Variants in DYNC1H1 observed in about 807,000 individuals in gnomAD.
DYNC1H1 encodes the protein cytoplasmic dynein 1 heavy chain 1.
In DYNC1H1, 51 loss-of-function variants were observed where a neutral mutation model predicts 527.1. The observed-to-expected ratio is 0.10, with a 90% CI of 0.08 to 0.12. The LOEUF is 0.12. Among genes scored for constraint, DYNC1H1 ranks in the 10% least tolerant of loss-of-function variants. DYNC1H1 has a pLI of 1.00. For synonymous variants in DYNC1H1, 2,189 were observed against 2,278.8 expected (o/e 0.96, Z 1.12); for missense variants, 2,771 against 5,971.8 (o/e 0.46, Z 17.66).
chr14:101,975,565 G>A (rs17540617), intron 1 of DYNC1H1, 147 bp from the exon 2 acceptor site: 33 of 726,752 alleles, frequency 4.5e-5, no homozygotes, highest in African/African-American at 1.6e-4. Flanking sequence ...GGAAAAAAAC[G>A]GATAGGAAGG....
intron 7 of DYNC1H1, among the ~76,000 whole-genome samples, chr14:101,984,017 G>A (rs747334165): frequency 3.3e-5 from 5 of 151,970 alleles, no homozygotes; most frequent in Non-Finnish European, 7.4e-5. Flanking sequence ...ACCTAGGCTG[G>A]AGTACAGTGA....
chr14:102,043,616 G>A (rs1190605), intron 69 of DYNC1H1: 29 of 531,106 alleles, frequency 5.5e-5, no homozygotes, highest in South Asian at 3.1e-4. Flanking sequence ...CCACATTCAC[G>A]TTTTCTGACA....
Position 102,049,425 on chromosome 14 carries a change from G to C in DYNC1H1, c.13373-15G>C. The stretch of plus-strand genomic sequence containing the variant: ...TGAGAGCTGACACCCTGGGCTCTGT[G>C]TGCCTTGGCTGCAGGGATCTTGCCT... On this transcript the variant is annotated splice_polypyrimidine_tract_variant and intron_variant, in intron 74 of 77. Coordinates refer to ENST00000360184, the MANE Select transcript of DYNC1H1 (RefSeq NM_001376.5). This position sits in a 1 kb window ranked among gnomAD's most constrained non-coding sequence, Gnocchi z 5.5. 1 of 1,613,872 alleles carries C rather than the reference G, an allele frequency of 6.2e-7. No homozygotes were observed. The highest frequency in any genetic ancestry group is 8.5e-7 in the Non-Finnish European group (1 of 1,180,040).
chr14:102,034,018 C>A lies in DYNC1H1; in HGVS notation c.10456C>A (p.Arg3486Ser). 1.2e-6 allele frequency: 2 copies of A among 1,614,022 alleles called. No individual in the cohort carries two copies. Among genetic ancestry groups the A allele is most frequent in the Middle Eastern group, 1.6e-4 (1 of 6,062 alleles). Residue 3486 changes from arginine to serine, a missense_variant, in exon 55 of 78, where the codon CGT becomes AGT. This residue lies in a region of DYNC1H1 where 283 missense variants were observed against 737.6 expected (regional missense o/e 0.38). Coordinates refer to ENST00000360184, the MANE Select transcript of DYNC1H1 (RefSeq NM_001376.5). ...TALLKSLSAE[R>S]ERWEKTSETF... Reference sequence around the variant, plus strand: ...TCTTCTGAAGAGCTTGTCTGCTGAACGTGAACGATGGGAAAAAACAAGTGA... The same window carrying A: ...TCTTCTGAAGAGCTTGTCTGCTGAAAGTGAACGATGGGAAAAAACAAGTGA...
chr14:101,984,145 T>C (rs2047900273), intron 7 of DYNC1H1, among the ~76,000 whole-genome samples: 1 of 151,816 alleles, frequency 6.6e-6, no homozygotes, highest in Non-Finnish European at 1.5e-5. Context: ...TTTATTTGTG[T>C]GTGTGTGTGT....
rs2048550805 is a variant in DYNC1H1, at chr14:102,034,651, A to G, written c.10754+199A>G. 3 of 896,916 alleles carry G rather than the reference A, an allele frequency of 3.3e-6. No homozygotes were observed. The African/African-American group carries it at 5.0e-5, about 15-fold the overall frequency. The allele number at this position is 896,916 out of a possible 1,614,324, so 55.6% of individuals were successfully genotyped here. ...AAGTGTCTGAGTTATTCTGCAGTGA[A>G]TGCTTCTTGTAACCTTCTAAAATCG... On this transcript the variant is annotated intron_variant, in intron 56 of 77. Transcript: ENST00000360184.
chr14:102,014,061 C>A (rs2048291659), intron 34 of DYNC1H1, among the ~76,000 whole-genome samples: 1 of 152,186 alleles, frequency 6.6e-6, no homozygotes, highest in Non-Finnish European at 1.5e-5. Flanking sequence ...GCACTTACTC[C>A]AACAACTCAA....
intron 72 of DYNC1H1, 176 bp from the exon 73 acceptor site, chr14:102,047,641 G>GTGTGTATGTATATATATA: frequency 4.4e-6 from 1 of 228,540 alleles, no homozygotes; most frequent in Non-Finnish European, 7.7e-6. Context: ...GTGTGTGTGT[G>GTGTGTATGTATATATATA]TATATATATA....
chr14:102,008,026 C>T, intron 28 of DYNC1H1, 152 bp from the exon 29 acceptor site: 3 of 1,089,056 alleles, frequency 2.8e-6, no homozygotes, highest in Non-Finnish European at 4.0e-6. Flanking sequence ...CTTATGGCCT[C>T]ATTTAACCTT....
At chr14:102,046,123 G>A (rs1030346535) in intron 72 of DYNC1H1, among the ~76,000 whole-genome samples, 2 of 151,370 alleles carry the variant, frequency 1.3e-5, no homozygotes, top group South Asian at 4.2e-4. Context: ...AGCCGAGATG[G>A]CACCACTGCA....
intron 16 of DYNC1H1, among the ~76,000 whole-genome samples, chr14:101,998,667 G>C (rs2720213): frequency 0.18 from 27,620 of 151,882 alleles, 3,189 homozygotes; most frequent in African/African-American, 0.32. Context: ...AACCGTTTCC[G>C]TGCTGCTGGG....
Position 101,988,687 on chromosome 14 carries a change from AT to A in DYNC1H1, c.2719-15del. ...TTTAGAAGAAACACTGTTCTCTGAT[AT>A]AACGTTGTCTGTAGATTGAAAGAAT... On this transcript the variant is annotated splice_polypyrimidine_tract_variant and intron_variant, in intron 9 of 77. Coordinates refer to ENST00000360184, the MANE Select transcript of DYNC1H1 (RefSeq NM_001376.5). 1.2e-6 allele frequency: 2 copies of A among 1,614,184 alleles called. No homozygotes were observed. Among genetic ancestry groups the A allele is most frequent in the Non-Finnish European group, 1.7e-6 (2 of 1,180,026 alleles).
rs1381773478 is a variant in DYNC1H1, at chr14:101,983,324, G to A, written c.1233+34G>A. On this transcript the variant is annotated intron_variant, in intron 6 of 77. Coordinates refer to ENST00000360184, the MANE Select transcript of DYNC1H1 (RefSeq NM_001376.5). This position sits in a 1 kb window ranked among gnomAD's most constrained non-coding sequence, Gnocchi z 5.3. ...GAATATATAAGACAACCAACCTCAA[G>A]ACATTGAGATGAAAATATGTCTTAA... is the stretch of plus-strand genomic sequence containing the variant. The A allele has an allele frequency of 8.7e-6, 14 of 1,614,044 alleles. No individual in the cohort carries two copies. The highest frequency in any genetic ancestry group is 1.2e-5 in the Non-Finnish European group (14 of 1,179,926).
At chr14:101,971,832 C>T (rs937188661) in intron 1 of DYNC1H1, among the ~76,000 whole-genome samples, 1 of 152,162 alleles carries the variant, frequency 6.6e-6, no homozygotes, top group Non-Finnish European at 1.5e-5. Flanking sequence ...AGTATACACA[C>T]GTTAGTGCTA....
chr14:102,050,624 T>A lies in DYNC1H1; in HGVS notation c.*61T>A, dbSNP rs1595638518. The A allele has an allele frequency of 3.7e-6, 6 of 1,613,062 alleles. No individual in the cohort carries two copies. Among genetic ancestry groups the A allele is most frequent in the Non-Finnish European group, 5.1e-6 (6 of 1,179,196 alleles). Reference sequence around the variant, plus strand: ...TTGGTATTTAACATTTATTCATTTTTAAAATATTTGGAAGGTCTGAGCTTG... The same window carrying A: ...TTGGTATTTAACATTTATTCATTTTAAAAATATTTGGAAGGTCTGAGCTTG... On this transcript the variant is annotated 3_prime_UTR_variant, in exon 78 of 78. Transcript: ENST00000360184.
chr14:102,011,526 C>T lies in DYNC1H1; in HGVS notation c.6619-349C>T, dbSNP rs2048258188. 2.8e-6 allele frequency: 1 copy of T among 359,686 alleles called. No individual in the cohort carries two copies. The highest frequency in any genetic ancestry group is 2.2e-5 in the South Asian group (1 of 44,714). The allele number at this position is 359,686 out of a possible 1,614,324, so 22.3% of individuals were successfully genotyped here. ...CCAGCCTTCCTGACTTACTAAAGAA[C>T]TCGCCACAGTTTGGAAATGTTTGTT... On this transcript the variant is annotated intron_variant, in intron 32 of 77. Coordinates refer to ENST00000360184, the MANE Select transcript of DYNC1H1 (RefSeq NM_001376.5). The surrounding 1 kb of genome is among the most constrained non-coding windows in gnomAD (Gnocchi z 5.3).
rs766003133 is a variant in DYNC1H1 at position 102,033,158 on chromosome 14, T to A, written c.10173T>A (p.Pro3391=). The A allele has an allele frequency of 6.2e-7, 1 of 1,614,192 alleles. No individual in the cohort carries two copies. Among genetic ancestry groups the A allele is most frequent in the Admixed American group, 1.7e-5 (1 of 60,020 alleles). ...IVNRASLACG[P]MVKWAIAQLN... ...ATCGGGCTTCCCTGGCTTGCGGCCC[T>A]ATGGTGAAATGGGCAATTGCACAGG... The change falls in exon 53 of 78, where the codon CCT becomes CCA. Residue 3391 remains proline, a synonymous_variant. Coordinates refer to ENST00000360184, the MANE Select transcript of DYNC1H1 (RefSeq NM_001376.5). This position sits in a 1 kb window ranked among gnomAD's most constrained non-coding sequence, Gnocchi z 5.6.
Position 102,036,981 on chromosome 14 carries a change from C to T in DYNC1H1, c.10908+339C>T, listed in dbSNP as rs1459103524. 2.9e-6 allele frequency: 1 copy of T among 350,032 alleles called. No individual in the cohort carries two copies. Among genetic ancestry groups the T allele is most frequent in the Non-Finnish European group, 5.6e-6 (1 of 178,882 alleles). The allele number at this position is 350,032 out of a possible 1,614,324, so 21.7% of individuals were successfully genotyped here. A position where few individuals can be genotyped will look rare whatever the true frequency, so the allele number is the denominator to read the frequency against. ...TTGAGGTGGCTGGCACCTGTAGTCC[C>T]AGCTACTCGGGAGGCTGAGGCAGGA... On this transcript the variant is annotated intron_variant, in intron 57 of 77. Coordinates refer to ENST00000360184, the MANE Select transcript of DYNC1H1 (RefSeq NM_001376.5). This position sits in a 1 kb window ranked among gnomAD's most constrained non-coding sequence, Gnocchi z 5.6.
chr14:102,041,827 C>T lies in DYNC1H1; in HGVS notation c.12102+93C>T, dbSNP rs953279487. On this transcript the variant is annotated intron_variant, in intron 65 of 77. Coordinates refer to ENST00000360184, the MANE Select transcript of DYNC1H1 (RefSeq NM_001376.5). The surrounding 1 kb of genome is among the most constrained non-coding windows in gnomAD (Gnocchi z 4.5). ...GCAGCCCTGGCATCTGCTCTCACTCCGGGCTACAGTCTCCTCCTAAGACCA... is the reference window on the plus strand; with the variant it reads ...GCAGCCCTGGCATCTGCTCTCACTCTGGGCTACAGTCTCCTCCTAAGACCA... 5.0e-6 allele frequency: 8 copies of T among 1,589,716 alleles called. No individual in the cohort carries two copies. The South Asian group carries it at 6.7e-5, about 13-fold the overall frequency.
Sources: allele counts gnomAD v4.1 joint callset (sites outside exome capture counted in the v4.1 genomes callset), GRCh38; gene constraint gnomAD v4.1.1; regional missense constraint gnomAD v4.1.1; non-coding constraint Gnocchi (gnomAD v3.1); transcripts MANE v1.5; gene names NCBI Gene and HGNC (gene_info 2026-07-23, HGNC 2026-07-21).